Variants in ARL2 observed in about 807,000 individuals in gnomAD.
ARL2 encodes ADP-ribosylation factor-like protein 2.
Under a neutral mutation model 22.0 loss-of-function variants are expected in ARL2, and 11 were observed. The observed-to-expected ratio is 0.50, with a 90% CI of 0.31 to 0.83. The LOEUF (loss-of-function observed/expected upper bound fraction) is 0.83. ARL2 is among the 40% of genes least tolerant of loss of function. The pLI is 0.04. For missense variants in ARL2, 216 were observed against 243.2 expected, an observed-to-expected ratio of 0.89 and a Z score of 0.74; for synonymous variants, 111 against 100.8, an observed-to-expected ratio of 1.10 and a Z score of -0.61.
intron 4 of ARL2, chr11:65,021,429 A>G (rs1327286318): frequency 8.4e-6 from 3 of 355,334 alleles, no homozygotes; most frequent in African/African-American, 2.0e-5. Flanking sequence ...AATGAGTGAG[A>G]GAGGGTGTGT....
At chr11:65,020,301 C>A in intron 3 of ARL2, 118 bp from the exon 4 acceptor site, 3 of 852,532 alleles carry the variant, frequency 3.5e-6, no homozygotes, top group Non-Finnish European at 3.9e-6. Flanking sequence ...CCCACCACCA[C>A]GGGGCCTCAC....
chr11:65,018,709 G>A lies in ARL2; in HGVS notation c.315G>A (p.Glu105=), dbSNP rs1339508091. 6.2e-7 allele frequency: 1 copy of A among 1,614,196 alleles called. No homozygotes were observed. The highest frequency in any genetic ancestry group is 8.5e-7 in the Non-Finnish European group (1 of 1,180,046). The change falls in exon 3 of 5, where the codon GAG becomes GAA. Residue 105 remains glutamate, a synonymous_variant. Transcript: ENST00000246747. This position sits in a 1 kb window ranked among gnomAD's most constrained non-coding sequence, Gnocchi z 4.2. The part of the protein sequence containing the change: ...DRQRMQDCQR[E]LQSLLVEERL... Reference sequence around the variant, plus strand: ...AGCGCATGCAGGACTGCCAGCGGGAGCTCCAGAGCCTGCTGGTGGAGGAGG... The same window carrying A: ...AGCGCATGCAGGACTGCCAGCGGGAACTCCAGAGCCTGCTGGTGGAGGAGG...
At position 65,018,907 on chromosome 11, in the gene ARL2, G is replaced by T. The variant is rs545626345; in HGVS notation, c.339+174G>T. The stretch of plus-strand genomic sequence containing the variant: ...AGGCAGGACACATGCTGTGGACTGA[G>T]ATTGAGTTAACGTCCCTGTGGTGTT... On this transcript the variant is annotated intron_variant, in intron 3 of 4. Coordinates refer to ENST00000246747, the MANE Select transcript of ARL2 (RefSeq NM_001667.4). This position sits in a 1 kb window ranked among gnomAD's most constrained non-coding sequence, Gnocchi z 4.2. The T allele has an allele frequency of 3.3e-5, 51 of 1,533,564 alleles. No homozygotes were observed. In the African/African-American group the frequency reaches 6.3e-4, roughly 19 times the overall value. 95.0% of individuals were successfully genotyped at this position (1,533,564 alleles called of 1,614,324 possible). A position where few individuals can be genotyped will look rare whatever the true frequency, so the allele number is the denominator to read the frequency against.
intron 1 of ARL2, 65 bp downstream of exon 1, chr11:65,014,337 C>T (rs1214944023): frequency 2.9e-6 from 4 of 1,402,430 alleles, no homozygotes; most frequent in African/African-American, 1.5e-5. Flanking sequence ...GTGCCGGGCG[C>T]CCCCTGTCGG....
At chr11:65,019,229 G>A in intron 3 of ARL2, 1 of 212,636 alleles carries the variant, frequency 4.7e-6, no homozygotes, top group Non-Finnish European at 9.5e-6. Flanking sequence ...GACAGAGCAA[G>A]ACCCTGTCTC....
intron 3 of ARL2, chr11:65,019,100 G>A: frequency 2.1e-6 from 1 of 466,998 alleles, no homozygotes. Flanking sequence ...AGCTGGGGGT[G>A]GTGGCACGCA....
Position 65,021,776 on chromosome 11 carries a change from C to A in ARL2, c.476C>A (p.Ala159Asp). ...SHHWCIQGCSAVTGENLLPGI... is the reference protein window; with the variant it reads ...SHHWCIQGCSDVTGENLLPGI... ...CACTGGTGCATCCAGGGCTGCAGCG[C>A]CGTCACCGGGGAGAACCTGCTGCCG... Residue 159 changes from alanine to aspartate, a missense_variant, in exon 5 of 5, where the codon GCC becomes GAC. By Grantham distance (126) the Ala-to-Asp change is moderately radical. Transcript: ENST00000246747. 1 of 1,613,006 alleles carries A rather than the reference C, an allele frequency of 6.2e-7. No individual in the cohort carries two copies. The highest frequency in any genetic ancestry group is 8.5e-7 in the Non-Finnish European group (1 of 1,179,884).
rs1273287316 is a variant in ARL2 at position 65,018,872 on chromosome 11, A to G, written c.339+139A>G. 3.3e-6 allele frequency: 5 copies of G among 1,537,116 alleles called. No individual in the cohort carries two copies. The South Asian group carries it at 4.8e-5, about 15-fold the overall frequency. ...TCTGGGCCCCCACCATGGGAGGCCC[A>G]TGGTGCCAGAGGCAGGACACATGCT... is the stretch of plus-strand genomic sequence containing the variant. On this transcript the variant is annotated intron_variant, in intron 3 of 4. Coordinates refer to ENST00000246747, the MANE Select transcript of ARL2 (RefSeq NM_001667.4). The surrounding 1 kb of genome is among the most constrained non-coding windows in gnomAD (Gnocchi z 4.2).
intron 1 of ARL2, among the ~76,000 whole-genome samples, chr11:65,014,600 C>A (rs1004640069): frequency 6.6e-6 from 1 of 152,326 alleles, no homozygotes; most frequent in Non-Finnish European, 1.5e-5. Context: ...GCTGCCCTCC[C>A]GGCTCTGATC....
Position 65,018,861 on chromosome 11 carries a change from A to G in ARL2, c.339+128A>G, listed in dbSNP as rs1403043164. The G allele has an allele frequency of 6.5e-7, 1 of 1,538,774 alleles. No individual in the cohort carries two copies. The highest frequency in any genetic ancestry group is 8.7e-7 in the Non-Finnish European group (1 of 1,148,108). On this transcript the variant is annotated intron_variant, in intron 3 of 4. Transcript: ENST00000246747. This position sits in a 1 kb window ranked among gnomAD's most constrained non-coding sequence, Gnocchi z 4.2. ...TCCCTTCCTTCTCTGGGCCCCCACCATGGGAGGCCCATGGTGCCAGAGGCA... is the reference window on the plus strand; with the variant it reads ...TCCCTTCCTTCTCTGGGCCCCCACCGTGGGAGGCCCATGGTGCCAGAGGCA...
intron 1 of ARL2, among the ~76,000 whole-genome samples, chr11:65,017,587 G>T (rs956381686): frequency 3.9e-5 from 6 of 152,176 alleles, no homozygotes; most frequent in African/African-American, 1.4e-4. Context: ...TGATGGCTTG[G>T]GGGCAGGGGG....
At chr11:65,019,971 T>G (rs1344252565) in intron 3 of ARL2, among the ~76,000 whole-genome samples, 2 of 152,016 alleles carry the variant, frequency 1.3e-5, no homozygotes, top group Non-Finnish European at 2.9e-5. Context: ...GACACATATG[T>G]GGAAACAACT....
rs1946291848 is a variant in ARL2 at position 65,018,837 on chromosome 11, C to T, written c.339+104C>T. The T allele has an allele frequency of 1.9e-6, 3 of 1,552,614 alleles. No individual in the cohort carries two copies. Among genetic ancestry groups the T allele is most frequent in the Middle Eastern group, 1.7e-4 (1 of 5,996 alleles). Reference sequence around the variant, plus strand: ...CCCAGAGGGAAACCAGAGGCAGGATCCCTTCCTTCTCTGGGCCCCCACCAT... The same window carrying T: ...CCCAGAGGGAAACCAGAGGCAGGATTCCTTCCTTCTCTGGGCCCCCACCAT... On this transcript the variant is annotated intron_variant, in intron 3 of 4. Transcript: ENST00000246747. This position sits in a 1 kb window ranked among gnomAD's most constrained non-coding sequence, Gnocchi z 4.2.
chr11:65,014,224 T>C lies in ARL2; in HGVS notation c.17T>C (p.Ile6Thr). The C allele has an allele frequency of 6.4e-7, 1 of 1,574,098 alleles. No individual in the cohort carries two copies. Among genetic ancestry groups the C allele is most frequent in the Non-Finnish European group, 8.6e-7 (1 of 1,163,940 alleles). MGLLT[I>T]LKKMKQKERE... ...CCGGGGACCATGGGGCTCCTGACCATTCTGAAGAAGATGAAGCAGAAAGAG... is the reference window on the plus strand; with the variant it reads ...CCGGGGACCATGGGGCTCCTGACCACTCTGAAGAAGATGAAGCAGAAAGAG... Residue 6 changes from isoleucine (I) to threonine (T), a missense_variant, in exon 1 of 5, where the codon ATT (isoleucine) becomes ACT (threonine). Coordinates refer to ENST00000246747, the MANE Select transcript of ARL2 (RefSeq NM_001667.4).
Position 65,021,731 on chromosome 11 carries a change from T to G in ARL2, c.431T>G (p.Leu144Arg), listed in dbSNP as rs1168994701. ...SSNAIREVLE[L>R]DSIRSHHWCI... ...CCTTTGTCCTCCCAGGTCCTGGAGC[T>G]GGACTCCATCCGCAGCCACCACTGG... The change falls in exon 5 of 5, where the codon CTG becomes CGG. Residue 144 changes from leucine (L) to arginine (R), a missense_variant. Coordinates refer to ENST00000246747, the MANE Select transcript of ARL2 (RefSeq NM_001667.4). 2.5e-6 allele frequency: 4 copies of G among 1,604,582 alleles called. No individual in the cohort carries two copies. The African/African-American group carries it at 4.0e-5, about 16-fold the overall frequency.
chr11:65,014,653 C>G (rs929085347), intron 1 of ARL2, among the ~76,000 whole-genome samples: 4 of 152,202 alleles, frequency 2.6e-5, no homozygotes, highest in Non-Finnish European at 4.4e-5. Context: ...GCCCCGCCCT[C>G]GAGCTCCGAA....
chr11:65,018,392 A>G lies in ARL2; in HGVS notation c.94A>G (p.Ile32Val). The stretch of plus-strand genomic sequence containing the variant: ...CCTGGACAATGCTGGAAAGACAACC[A>G]TCCTGAAGAAGTTCAATGGGGAGGA... ...LGLDNAGKTT[I>V]LKKFNGEDID... Residue 32 changes from isoleucine to valine, a missense_variant, in exon 2 of 5, where the codon ATC becomes GTC. Ile to Val is a conservative substitution (Grantham distance 29). Transcript: ENST00000246747. The surrounding 1 kb of genome is among the most constrained non-coding windows in gnomAD (Gnocchi z 4.2). 8.1e-6 allele frequency: 13 copies of G among 1,607,962 alleles called. No individual in the cohort carries two copies. The highest frequency in any genetic ancestry group is 1.0e-5 in the Non-Finnish European group (12 of 1,177,724).
chr11:65,018,260 C>CA lies in ARL2; in HGVS notation c.66-103dup, dbSNP rs1257363208. Reference sequence around the variant, plus strand: ...ATTATGGTCAGGCATGTGCTCAACTCAGTTTGATACATGGTGGGAAATAAT... The same window carrying CA: ...ATTATGGTCAGGCATGTGCTCAACTCAAGTTTGATACATGGTGGGAAATAAT... On this transcript the variant is annotated intron_variant, in intron 1 of 4. Coordinates refer to ENST00000246747, the MANE Select transcript of ARL2 (RefSeq NM_001667.4). This position sits in a 1 kb window ranked among gnomAD's most constrained non-coding sequence, Gnocchi z 4.2. 21 of 874,972 alleles carry CA rather than the reference C, an allele frequency of 2.4e-5. No individual in the cohort carries two copies. The highest frequency in any genetic ancestry group is 3.5e-5 in the Non-Finnish European group (20 of 565,682). The allele number at this position is 874,972 out of a possible 1,614,324, so 54.2% of individuals were successfully genotyped here. A position where few individuals can be genotyped will look rare whatever the true frequency, so the allele number is the denominator to read the frequency against.
chr11:65,021,695 C>G, intron 4 of ARL2, 26 bp from the exon 5 acceptor site: 2 of 1,580,184 alleles, frequency 1.3e-6, no homozygotes, highest in Non-Finnish European at 1.7e-6. Flanking sequence ...CACTGGCCAC[C>G]ACCATCAGCA....
Sources: allele counts gnomAD v4.1 joint callset (sites outside exome capture counted in the v4.1 genomes callset), GRCh38; gene constraint gnomAD v4.1.1; non-coding constraint Gnocchi (gnomAD v3.1); transcripts MANE v1.5; gene names NCBI Gene and HGNC (gene_info 2026-07-23, HGNC 2026-07-21).